The following MGLL variants were observed in gnomAD, a reference collection of about 807,000 sequenced individuals.
MGLL encodes lysophospholipase homolog.
MGLL carries 7 observed loss-of-function variants against 29.1 expected under a neutral mutation model. That is an observed-to-expected ratio of 0.24 (90% CI 0.14 to 0.45). The LOEUF (loss-of-function observed/expected upper bound fraction) is 0.45. Among genes scored for constraint, MGLL ranks in the 20% least tolerant of loss-of-function variants. The pLI is 0.99. For synonymous variants in MGLL, 148 were observed against 168.3 expected, an observed-to-expected ratio of 0.88 and a Z score of 0.93; for missense variants, 356 against 413.6, an observed-to-expected ratio of 0.86 and a Z score of 1.21.
intron 2 of MGLL, among the ~76,000 whole-genome samples, chr3:127,782,946 T>C (rs1227578002): frequency 6.6e-6 from 1 of 152,026 alleles, no homozygotes; most frequent in African/African-American, 2.4e-5. Flanking sequence ...CCCAGCACTT[T>C]CGGAGGCCAA....
chr3:127,798,617 C>A (rs2077425100), intron 2 of MGLL, among the ~76,000 whole-genome samples: 1 of 152,234 alleles, frequency 6.6e-6, no homozygotes, highest in South Asian at 2.1e-4. Flanking sequence ...TCCCAACAGC[C>A]TCCTAACTCC....
intron 3 of MGLL, among the ~76,000 whole-genome samples, chr3:127,780,661 G>T (rs2077108318): frequency 6.6e-6 from 1 of 152,208 alleles, no homozygotes; most frequent in African/African-American, 2.4e-5. Context: ...TTTACCTACA[G>T]AATGTCCCAG....
At chr3:127,762,294 C>T (rs553499385) in intron 3 of MGLL, among the ~76,000 whole-genome samples, 14 of 152,054 alleles carry the variant, frequency 9.2e-5, no homozygotes, top group Admixed American at 2.6e-4. Context: ...GCATTACAGC[C>T]GTTTATTTTT....
At chr3:127,755,698 G>A (rs17282181) in intron 3 of MGLL, among the ~76,000 whole-genome samples, 30,342 of 152,102 alleles carry the variant, frequency 0.2, 3,764 homozygotes, top group South Asian at 0.27. Flanking sequence ...CCAAATCTTC[G>A]CGCACCACCT....
At chr3:127,777,163 CT>C (rs1454116824) in intron 3 of MGLL, among the ~76,000 whole-genome samples, 1 of 152,216 alleles carries the variant, frequency 6.6e-6, no homozygotes, top group Non-Finnish European at 1.5e-5. Context: ...TCAACCAATG[CT>C]TATTAATGAT....
intron 6 of MGLL, among the ~76,000 whole-genome samples, chr3:127,706,650 G>A (rs1413522572): frequency 6.6e-6 from 1 of 152,210 alleles, no homozygotes; most frequent in Non-Finnish European, 1.5e-5. Flanking sequence ...AGGGCATTGG[G>A]AAATTTTTAG....
chr3:127,785,780 A>G (rs1171456625), intron 2 of MGLL, among the ~76,000 whole-genome samples: 2 of 152,252 alleles, frequency 1.3e-5, no homozygotes, highest in Non-Finnish European at 2.9e-5. Context: ...GAGATGAACA[A>G]ACAACGTTGT....
chr3:127,717,063 C>T (rs2075830286), intron 5 of MGLL, among the ~76,000 whole-genome samples: 1 of 152,228 alleles, frequency 6.6e-6, no homozygotes, highest in South Asian at 2.1e-4. Flanking sequence ...GAAAGCCCAA[C>T]ACCCAGCTAT....
chr3:127,734,729 T>C (rs2076214479), intron 3 of MGLL, among the ~76,000 whole-genome samples: 1 of 152,244 alleles, frequency 6.6e-6, no homozygotes. Flanking sequence ...AGGCAGTTTA[T>C]TCCCCTCAGC....
chr3:127,773,024 G>T (rs1047713813), intron 3 of MGLL, among the ~76,000 whole-genome samples: 4 of 152,228 alleles, frequency 2.6e-5, no homozygotes, highest in Non-Finnish European at 4.4e-5. Flanking sequence ...AGAGTGTTCT[G>T]TTACAGCAGC....
chr3:127,747,373 T>G (rs1343448970), intron 3 of MGLL, among the ~76,000 whole-genome samples: 5 of 152,228 alleles, frequency 3.3e-5, no homozygotes, highest in Non-Finnish European at 7.3e-5. Flanking sequence ...TTCTCCTGTG[T>G]GTCTAGAGGT....
chr3:127,798,013 G>C (rs1341920542), intron 2 of MGLL, among the ~76,000 whole-genome samples: 2 of 151,902 alleles, frequency 1.3e-5, no homozygotes, highest in Non-Finnish European at 2.9e-5. Context: ...GAGCAGCAAG[G>C]GGTGTGTGAC....
intron 3 of MGLL, among the ~76,000 whole-genome samples, chr3:127,758,920 CTTTTCT>C (rs760081724): frequency 7.0e-4 from 80 of 114,236 alleles, no homozygotes; most frequent in Non-Finnish European, 7.6e-4. Flanking sequence ...TTTTTCTTTT[CTTTTCT>C]TTTTTTTTTT....
intron 2 of MGLL, among the ~76,000 whole-genome samples, chr3:127,814,788 T>C (rs1328503023): frequency 6.6e-6 from 1 of 152,198 alleles, no homozygotes; most frequent in Non-Finnish European, 1.5e-5. Context: ...AGAGTATTTT[T>C]AAAAAGCCCA....
intron 3 of MGLL, among the ~76,000 whole-genome samples, 180 bp downstream of exon 3, chr3:127,781,609 C>T (rs1037481458): frequency 6.6e-6 from 1 of 152,222 alleles, no homozygotes; most frequent in African/African-American, 2.4e-5. Flanking sequence ...CAGTCTCAGA[C>T]TACAGAATCT....
In MGLL at chr3:127,821,687, G is replaced by C. The variant is rs375239037; in HGVS notation, c.155+7C>G. ...TCACCTGGGGTGACTTTCTGGGGAAGACTTACTTGGGTGTGCCTGTGGGTT... is the reference window on the plus strand; with the variant it reads ...TCACCTGGGGTGACTTTCTGGGGAACACTTACTTGGGTGTGCCTGTGGGTT... On this transcript the variant is annotated splice_region_variant and intron_variant, in intron 2 of 7. Coordinates refer to ENST00000265052, the MANE Select transcript of MGLL (RefSeq NM_007283.7). 477 of 1,613,960 alleles carry C rather than the reference G, an allele frequency of 3.0e-4. No individual in the cohort carries two copies. Among genetic ancestry groups the C allele is most frequent in the Middle Eastern group, 2.8e-3 (17 of 6,080 alleles).
chr3:127,703,133 A>G (rs1331149840), intron 6 of MGLL, among the ~76,000 whole-genome samples: 1 of 152,126 alleles, frequency 6.6e-6, no homozygotes, highest in Admixed American at 6.5e-5. Flanking sequence ...AGGGCTTCAG[A>G]GTCTTCACAA....
At chr3:127,786,251 G>T (rs576814763) in intron 2 of MGLL, among the ~76,000 whole-genome samples, 1 of 152,326 alleles carries the variant, frequency 6.6e-6, no homozygotes, top group East Asian at 1.9e-4. Flanking sequence ...TTCATCAAGG[G>T]GCCGACAGGG....
intron 7 of MGLL, among the ~76,000 whole-genome samples, chr3:127,693,234 G>A (rs899216540): frequency 6.6e-6 from 1 of 152,128 alleles, no homozygotes; most frequent in African/African-American, 2.4e-5. Context: ...CGTCCTTCAT[G>A]ACAGTGATCT....
Sources: gnomAD v4.1 joint callset for allele counts (sites outside exome capture counted in the v4.1 genomes callset) on GRCh38, gnomAD v4.1.1 for gene constraint, MANE v1.5 for transcripts, NCBI Gene and HGNC (gene_info 2026-07-23, HGNC 2026-07-21) for gene names.